The following SPAG16 variants were observed in gnomAD, a reference collection of about 807,000 sequenced individuals.
SPAG16 encodes sperm associated antigen 16.
A neutral mutation model predicts 80.4 loss-of-function variants in SPAG16; 86 were observed. The observed-to-expected ratio is 1.07, with a 90% CI of 0.90 to 1.28. The LOEUF is 1.28. Among genes scored for constraint, SPAG16 ranks in the 50% most tolerant of loss-of-function variants. SPAG16 has a pLI of 0.00. For missense variants in SPAG16, 870 were observed against 765.3 expected, an observed-to-expected ratio of 1.14 and a Z score of -1.61; for synonymous variants, 294 against 265.9, an observed-to-expected ratio of 1.11 and a Z score of -1.03.
At chr2:213,760,834 G>C (rs2068617265) in intron 10 of SPAG16, among the ~76,000 whole-genome samples, 1 of 152,174 alleles carries the variant, frequency 6.6e-6, no homozygotes. Context: ...GCCAACATTT[G>C]GCAAGGGACA....
intron 9 of SPAG16, among the ~76,000 whole-genome samples, chr2:213,440,432 G>T (rs1472574971): frequency 6.6e-6 from 1 of 152,136 alleles, no homozygotes; most frequent in African/African-American, 2.4e-5. Flanking sequence ...GCGGGCGCCT[G>T]TAGTCCCAGC....
chr2:213,847,601 C>T (rs1316460260), intron 10 of SPAG16, among the ~76,000 whole-genome samples: 1 of 152,188 alleles, frequency 6.6e-6, no homozygotes, highest in Non-Finnish European at 1.5e-5. Flanking sequence ...AAACACCCTA[C>T]ACCAGGCCCC....
At chr2:213,375,195 C>T in intron 9 of SPAG16, 76 bp downstream of exon 9, 1 of 1,052,004 alleles carries the variant, frequency 9.5e-7, no homozygotes, top group South Asian at 1.7e-5. Context: ...CATATGGTAT[C>T]ATTATTTTAC....
intron 10 of SPAG16, among the ~76,000 whole-genome samples, chr2:213,804,649 G>C (rs998817680): frequency 9.2e-5 from 14 of 152,126 alleles, no homozygotes; most frequent in Non-Finnish European, 7.3e-5. Context: ...CGCCACTGCA[G>C]TCCAGCTTGG....
chr2:213,813,770 A>G (rs1215373378), intron 10 of SPAG16, among the ~76,000 whole-genome samples: 1 of 151,950 alleles, frequency 6.6e-6, no homozygotes, highest in Non-Finnish European at 1.5e-5. Flanking sequence ...ATGCAAATGG[A>G]CTCCCATGAG....
At chr2:214,186,339 G>A (rs575524908) in intron 15 of SPAG16, among the ~76,000 whole-genome samples, 2 of 152,248 alleles carry the variant, frequency 1.3e-5, no homozygotes, top group African/African-American at 4.8e-5. Flanking sequence ...AGATTTATGA[G>A]AATCTAATTA....
intron 9 of SPAG16, among the ~76,000 whole-genome samples, chr2:213,403,361 C>T (rs1357829060): frequency 6.6e-6 from 1 of 152,032 alleles, no homozygotes; most frequent in Non-Finnish European, 1.5e-5. Context: ...CAAAAATTTT[C>T]TCCCATTCTG....
chr2:213,613,288 A>G (rs2061496509), intron 10 of SPAG16, among the ~76,000 whole-genome samples: 1 of 152,184 alleles, frequency 6.6e-6, no homozygotes, highest in Admixed American at 6.5e-5. Context: ...CTTGGCTCAC[A>G]AAACTCATTG....
chr2:213,319,772 G>T (rs1435121694), intron 5 of SPAG16, among the ~76,000 whole-genome samples: 1 of 151,938 alleles, frequency 6.6e-6, no homozygotes, highest in Non-Finnish European at 1.5e-5. Context: ...AGTACTGGTT[G>T]TTTGTTGAAT....
At chr2:214,157,059 T>G (rs1320835857) in intron 15 of SPAG16, among the ~76,000 whole-genome samples, 1 of 152,136 alleles carries the variant, frequency 6.6e-6, no homozygotes, top group Admixed American at 6.6e-5. Flanking sequence ...AAATCCATTT[T>G]GTTCTTAAGT....
intron 12 of SPAG16, among the ~76,000 whole-genome samples, chr2:213,943,271 G>T (rs192298733): frequency 6.6e-6 from 1 of 152,200 alleles, no homozygotes; most frequent in Non-Finnish European, 1.5e-5. Context: ...GTAATGGGTA[G>T]AGTCTGGAAA....
At chr2:214,385,762 T>G (rs1365083479) in intron 15 of SPAG16, among the ~76,000 whole-genome samples, 1 of 152,122 alleles carries the variant, frequency 6.6e-6, no homozygotes, top group Non-Finnish European at 1.5e-5. Flanking sequence ...GAGAATCACT[T>G]GAACCTGAGA....
intron 9 of SPAG16, among the ~76,000 whole-genome samples, chr2:213,470,844 C>T (rs2073039886): frequency 6.6e-6 from 1 of 152,230 alleles, no homozygotes; most frequent in Admixed American, 6.5e-5. Context: ...ATACAAATAT[C>T]TTCACAGTTT....
chr2:213,525,843 A>C (rs1007695268), intron 10 of SPAG16, among the ~76,000 whole-genome samples: 5 of 152,184 alleles, frequency 3.3e-5, no homozygotes, highest in African/African-American at 9.6e-5. Flanking sequence ...ATACAGATGT[A>C]GATATACATA....
chr2:213,565,947 T>G (rs1271600839), intron 10 of SPAG16, among the ~76,000 whole-genome samples: 1 of 152,186 alleles, frequency 6.6e-6, no homozygotes, highest in Non-Finnish European at 1.5e-5. Context: ...GTTGAATGAT[T>G]ATGAGGTTCA....
intron 9 of SPAG16, among the ~76,000 whole-genome samples, chr2:213,396,292 T>G (rs2068028828): frequency 6.6e-6 from 1 of 152,230 alleles, no homozygotes; most frequent in South Asian, 2.1e-4. Context: ...TTCTAGCATC[T>G]TTTCGATATT....
At chr2:213,575,263 A>G (rs567669529) in intron 10 of SPAG16, among the ~76,000 whole-genome samples, 1 of 152,334 alleles carries the variant, frequency 6.6e-6, no homozygotes, top group South Asian at 2.1e-4. Context: ...TTAAATAACA[A>G]GATATTACTT....
intron 12 of SPAG16, among the ~76,000 whole-genome samples, chr2:213,932,865 G>A (rs927988285): frequency 2.0e-5 from 3 of 151,892 alleles, no homozygotes; most frequent in African/African-American, 7.3e-5. Context: ...AGGTTTCTGT[G>A]AATAATTAAC....
At position 214,135,104 on chromosome 2, in the gene SPAG16, T is replaced by C. The variant is rs150455523; in HGVS notation, c.1594-14036T>C. ...GAAGATACTTTCTTAGATTCTACAG[T>C]CTTGAATTAGGTGATCAATTTGTAT... On this transcript the variant is annotated intron_variant, in intron 14 of 15. Coordinates refer to ENST00000331683, the MANE Select transcript of SPAG16 (RefSeq NM_024532.5). Among the ~76,000 whole-genome samples the C allele has an allele frequency of 9.8e-4, 149 of 152,354 alleles. 2 individuals are homozygous for C. The East Asian group carries it at 0.028, about 28-fold the overall frequency.
Sources: allele counts gnomAD v4.1 joint callset (sites outside exome capture counted in the v4.1 genomes callset), GRCh38; gene constraint gnomAD v4.1.1; transcripts MANE v1.5; gene names NCBI Gene and HGNC (gene_info 2026-07-23, HGNC 2026-07-21).